Variants in GSE1 observed in about 807,000 individuals in gnomAD.
GSE1 encodes Gse1 coiled-coil protein, also known as genetic suppressor element 1.
A neutral mutation model predicts 112.6 loss-of-function variants in GSE1; 32 were observed. The observed-to-expected ratio is 0.28, with a 90% CI of 0.21 to 0.38. GSE1 has a LOEUF of 0.38. Among genes scored for constraint, GSE1 ranks in the 10% least tolerant of loss-of-function variants. The probability of loss-of-function intolerance (pLI) is 1.00; values close to 1 mark genes in which losing one functional copy is unlikely to be tolerated. For synonymous variants in GSE1, 1,115 were observed against 735.6 expected, an observed-to-expected ratio of 1.52 and a Z score of -8.35; for missense variants, 2,348 against 1,699.2, an observed-to-expected ratio of 1.38 and a Z score of -6.71.
chr16:85,189,160 A>T (rs2074771780), intron 1 of GSE1, among the ~76,000 whole-genome samples: 1 of 152,140 alleles, frequency 6.6e-6, no homozygotes, highest in African/African-American at 2.4e-5. Context: ...TGCTCCGGGG[A>T]GCCTTCTTTG....
At chr16:85,570,760 C>T (rs905846226) in intron 1 of GSE1, among the ~76,000 whole-genome samples, 1 of 152,200 alleles carries the variant, frequency 6.6e-6, no homozygotes, top group African/African-American at 2.4e-5. Context: ...CTGTTGGTGC[C>T]AGGCCCTGGA....
At chr16:85,393,893 C>T (rs898361990) in intron 2 of GSE1, among the ~76,000 whole-genome samples, 4 of 152,172 alleles carry the variant, frequency 2.6e-5, no homozygotes, top group African/African-American at 9.7e-5. Context: ...AGGGGGTTGG[C>T]CGCCAGCTTG....
chr16:85,484,341 T>G (rs1430944308), intron 2 of GSE1, among the ~76,000 whole-genome samples: 2 of 152,240 alleles, frequency 1.3e-5, no homozygotes, highest in South Asian at 2.1e-4. Flanking sequence ...GGATTCCCAT[T>G]TCTGCCAGTG....
At chr16:85,614,746 C>G (rs2048261702) in intron 1 of GSE1, among the ~76,000 whole-genome samples, 1 of 152,216 alleles carries the variant, frequency 6.6e-6, no homozygotes, top group African/African-American at 2.4e-5. Flanking sequence ...GTTTAAAACA[C>G]ACTAAACCCT....
In GSE1 at chr16:85,657,623, G is replaced by T; in HGVS notation, c.1640+19G>T. On this transcript the variant is annotated intron_variant, in intron 8 of 15. Coordinates refer to ENST00000253458, the MANE Select transcript of GSE1 (RefSeq NM_014615.5). Reference sequence around the variant, plus strand: ...CCACCAGGTGAGTGAGCCCCAGGAAGGAAGGAGGGATGAGCCTTCACGTTC... The same window carrying T: ...CCACCAGGTGAGTGAGCCCCAGGAATGAAGGAGGGATGAGCCTTCACGTTC... 6.8e-7 allele frequency: 1 copy of T among 1,478,282 alleles called. No homozygotes were observed. The highest frequency in any genetic ancestry group is 1.4e-5 in the South Asian group (1 of 72,408). 91.6% of individuals were successfully genotyped at this position (1,478,282 alleles called of 1,614,324 possible). A position where few individuals can be genotyped will look rare whatever the true frequency, so the allele number is the denominator to read the frequency against.
chr16:85,223,697 C>T (rs952501234), intron 1 of GSE1, among the ~76,000 whole-genome samples: 14 of 151,680 alleles, frequency 9.2e-5, no homozygotes, highest in African/African-American at 3.1e-4. Context: ...CCCTGCCTCC[C>T]GGGTTCAAGC....
At chr16:85,590,384 T>A (rs1475005197) in intron 1 of GSE1, among the ~76,000 whole-genome samples, 1 of 143,530 alleles carries the variant, frequency 7.0e-6, no homozygotes, top group Non-Finnish European at 1.5e-5. Context: ...TGTGAGATTG[T>A]GTGAACATGT....
chr16:85,637,141 C>T (rs918395764), intron 2 of GSE1, among the ~76,000 whole-genome samples: 2 of 152,252 alleles, frequency 1.3e-5, no homozygotes, highest in African/African-American at 4.8e-5. Context: ...TGGGTCACCC[C>T]TAAGAGAACC....
At chr16:85,314,619 G>T (rs4427783) in intron 1 of GSE1, among the ~76,000 whole-genome samples, 271 of 152,092 alleles carry the variant, frequency 1.8e-3, no homozygotes, top group African/African-American at 6.4e-3. Flanking sequence ...CTCCTTCCTC[G>T]CCCCACTCCT....
At chr16:85,238,605 T>TC (rs1435807439) in intron 1 of GSE1, among the ~76,000 whole-genome samples, 1 of 152,044 alleles carries the variant, frequency 6.6e-6, no homozygotes, top group East Asian at 1.9e-4. Flanking sequence ...GCCTCTGCAC[T>TC]CCCCCTTGGA....
At chr16:85,515,848 G>T (rs2051915387) in intron 2 of GSE1, among the ~76,000 whole-genome samples, 1 of 152,138 alleles carries the variant, frequency 6.6e-6, no homozygotes, top group South Asian at 2.1e-4. Context: ...GTCCCCTCCT[G>T]CCTCTTCTGC....
At chr16:85,242,442 C>T (rs1223046320) in intron 1 of GSE1, among the ~76,000 whole-genome samples, 1 of 152,272 alleles carries the variant, frequency 6.6e-6, no homozygotes, top group Non-Finnish European at 1.5e-5. Context: ...AGGCCACCTT[C>T]CATCTTTCTG....
chr16:85,596,806 C>A (rs1424427944), intron 1 of GSE1, among the ~76,000 whole-genome samples: 1 of 152,058 alleles, frequency 6.6e-6, no homozygotes. Flanking sequence ...GAGGCCAAGG[C>A]GGGCAGATCG....
chr16:85,315,611 C>T (rs1007103074), intron 1 of GSE1, among the ~76,000 whole-genome samples: 2 of 152,062 alleles, frequency 1.3e-5, no homozygotes, highest in African/African-American at 4.8e-5. Context: ...CTGGGGGAGC[C>T]GCCTGCCTGG....
At chr16:85,629,608 G>A (rs1480452780) in intron 1 of GSE1, among the ~76,000 whole-genome samples, 1 of 152,224 alleles carries the variant, frequency 6.6e-6, no homozygotes, top group Non-Finnish European at 1.5e-5. Context: ...CTCCAAGCCT[G>A]CCTTCGCCTA....
chr16:85,222,944 C>G (rs995629637), intron 1 of GSE1, among the ~76,000 whole-genome samples: 2 of 152,186 alleles, frequency 1.3e-5, no homozygotes, highest in Middle Eastern at 3.2e-3. Flanking sequence ...AAACTGTCTG[C>G]TATATATCCA....
At chr16:85,509,327 C>G (rs1342940525) in intron 2 of GSE1, among the ~76,000 whole-genome samples, 1 of 152,176 alleles carries the variant, frequency 6.6e-6, no homozygotes, top group Non-Finnish European at 1.5e-5. Flanking sequence ...CTGCGGTCTT[C>G]AGAGGCTGCC....
intron 2 of GSE1, among the ~76,000 whole-genome samples, chr16:85,464,071 C>CG (rs1332185277): frequency 3.9e-5 from 6 of 152,236 alleles, no homozygotes; most frequent in African/African-American, 9.6e-5. Context: ...AGGCCAGCAG[C>CG]GGGGGGACGA....
chr16:85,647,914 T>G (rs1319712489), intron 2 of GSE1, among the ~76,000 whole-genome samples: 2 of 152,154 alleles, frequency 1.3e-5, no homozygotes, highest in East Asian at 3.9e-4. Flanking sequence ...GTTTGTTCCC[T>G]GCTGCACTGC....
Sources: allele counts gnomAD v4.1 joint callset (sites outside exome capture counted in the v4.1 genomes callset), GRCh38; gene constraint gnomAD v4.1.1; transcripts MANE v1.5; gene names NCBI Gene and HGNC (gene_info 2026-07-23, HGNC 2026-07-21).